Variants in SV2C observed in about 807,000 individuals in gnomAD.
SV2C encodes the protein solute carrier family 22 member B3.
A neutral mutation model predicts 79.7 loss-of-function variants in SV2C; 49 were observed. That is an observed-to-expected ratio of 0.61 (90% CI 0.49 to 0.78). The LOEUF (loss-of-function observed/expected upper bound fraction) is 0.78. Among genes scored for constraint, SV2C ranks in the 30% least tolerant of loss-of-function variants. SV2C has a pLI of 0.00. For synonymous variants in SV2C, 334 were observed against 333.2 expected, an observed-to-expected ratio of 1.00 and a Z score of -0.03; for missense variants, 833 against 912.9, an observed-to-expected ratio of 0.91 and a Z score of 1.13.
At chr5:75,862,985 A>C in the SV2C span, among the ~76,000 whole-genome samples, 2 of 152,234 alleles carry the variant, frequency 1.3e-5, no homozygotes, top group Non-Finnish European at 2.9e-5. Flanking sequence ...CTCAGGCATC[A>C]TCTGTTACCT....
the SV2C span, among the ~76,000 whole-genome samples, chr5:75,861,185 A>G: frequency 6.6e-6 from 1 of 152,238 alleles, no homozygotes; most frequent in Non-Finnish European, 1.5e-5. Context: ...ATGAACAGGG[A>G]CTTCTCAAAA....
At chr5:76,034,042 C>T in the SV2C span, among the ~76,000 whole-genome samples, 10 of 118,874 alleles carry the variant, frequency 8.4e-5, no homozygotes, top group African/African-American at 2.3e-4. Flanking sequence ...TGATTTGGCT[C>T]TCTGTTTGTC....
At chr5:76,014,484 A>G in the SV2C span, among the ~76,000 whole-genome samples, 1 of 152,342 alleles carries the variant, frequency 6.6e-6, no homozygotes, top group South Asian at 2.1e-4. Flanking sequence ...GTTTTCAGAA[A>G]TTTCAGATCT....
chr5:76,055,036 C>A, the SV2C span, among the ~76,000 whole-genome samples: 1 of 152,092 alleles, frequency 6.6e-6, no homozygotes, highest in Non-Finnish European at 1.5e-5. Flanking sequence ...GCTTTTATTG[C>A]AATTGCTTTT....
intron 1 of SV2C, among the ~76,000 whole-genome samples, chr5:76,097,030 T>C (rs905134675): frequency 4.6e-5 from 7 of 152,140 alleles, no homozygotes; most frequent in Non-Finnish European, 1.0e-4. Context: ...GTTCTGTTTC[T>C]CTGAAGCTAA....
chr5:75,896,067 TTTA>T, the SV2C span, among the ~76,000 whole-genome samples: 29 of 151,948 alleles, frequency 1.9e-4, no homozygotes, highest in Admixed American at 3.9e-4. Context: ...TTTATTTTAT[TTTA>T]TTATTATTAT....
At chr5:76,153,975 C>G (rs1742647370) in intron 2 of SV2C, among the ~76,000 whole-genome samples, 1 of 152,156 alleles carries the variant, frequency 6.6e-6, no homozygotes, top group Non-Finnish European at 1.5e-5. Flanking sequence ...GGGGTGTTAG[C>G]ATGCAGACAA....
chr5:76,014,321 A>G, the SV2C span, among the ~76,000 whole-genome samples: 2 of 152,096 alleles, frequency 1.3e-5, no homozygotes, highest in African/African-American at 2.4e-5. Context: ...GAAAGAAAGA[A>G]AGAGAGAGAA....
intron 2 of SV2C, among the ~76,000 whole-genome samples, chr5:76,151,253 T>C (rs1217206989): frequency 6.6e-6 from 1 of 152,174 alleles, no homozygotes; most frequent in Admixed American, 6.5e-5. Flanking sequence ...AAATCTTGGA[T>C]GGAGTATTGT....
chr5:76,300,914 G>A lies in SV2C; in HGVS notation c.1822G>A (p.Gly608Arg). The change falls in exon 11 of 13, where the codon GGG (glycine) becomes AGG (arginine). Residue 608 changes from glycine to arginine, a missense_variant. Gly to Arg is a moderately radical substitution (Grantham distance 125). Transcript: ENST00000502798. ...IVSALLMDRI[G>R]RLTMLGGSMV... ...GTCTGCTCTGCTGATGGACAGAATT[G>A]GGCGCTTAACAATGCTAGGTATGTA... 1.2e-6 allele frequency: 2 copies of A among 1,614,070 alleles called. No homozygotes were observed. Among genetic ancestry groups the A allele is most frequent in the Non-Finnish European group, 1.7e-6 (2 of 1,179,970 alleles).
chr5:76,149,054 T>A (rs1158145027), intron 2 of SV2C, among the ~76,000 whole-genome samples: 4 of 152,166 alleles, frequency 2.6e-5, no homozygotes, highest in African/African-American at 9.7e-5. Context: ...TGATCTGAAA[T>A]TCAAATGTCA....
At chr5:76,234,867 C>G (rs1195950001) in intron 4 of SV2C, among the ~76,000 whole-genome samples, 1 of 152,180 alleles carries the variant, frequency 6.6e-6, no homozygotes, top group Non-Finnish European at 1.5e-5. Flanking sequence ...TCACACTGCT[C>G]ATCCTACAGT....
chr5:76,180,586 C>G (rs1375471922), intron 2 of SV2C, among the ~76,000 whole-genome samples: 1 of 152,210 alleles, frequency 6.6e-6, no homozygotes, highest in Non-Finnish European at 1.5e-5. Flanking sequence ...TACCCTCTTG[C>G]TCCTCTGAAT....
downstream of SV2C, among the ~76,000 whole-genome samples, chr5:76,336,046 G>C (rs1190543093): frequency 5.0e-5 from 7 of 139,976 alleles, no homozygotes; most frequent in Non-Finnish European, 9.6e-5. Context: ...TAGCCGGGCG[G>C]GGGGCTGACC....
intron 6 of SV2C, among the ~76,000 whole-genome samples, chr5:76,288,253 C>CT (rs1747420734): frequency 6.6e-6 from 1 of 152,172 alleles, no homozygotes; most frequent in East Asian, 1.9e-4. Flanking sequence ...AAATAGTCCC[C>CT]TGCTATCTCA....
exon 13 of SV2C, chr5:76,353,372 C>G: frequency 4.8e-6 from 1 of 209,832 alleles, no homozygotes; most frequent in East Asian, 1.6e-4. Context: ...GTAGAAATAT[C>G]CCACAAAGTG....
At chr5:76,060,005 A>G in the SV2C span, among the ~76,000 whole-genome samples, 1 of 152,142 alleles carries the variant, frequency 6.6e-6, no homozygotes, top group Admixed American at 6.6e-5. Context: ...ATGAGCAGTA[A>G]CATTTTGAAA....
chr5:75,930,801 C>A, the SV2C span, among the ~76,000 whole-genome samples: 1 of 152,070 alleles, frequency 6.6e-6, no homozygotes, highest in Admixed American at 6.5e-5. Context: ...TTTTATGGGC[C>A]ATTTATGTTG....
chr5:76,338,599 C>T (rs1299710841), downstream of SV2C, among the ~76,000 whole-genome samples: 1 of 152,094 alleles, frequency 6.6e-6, no homozygotes, highest in Non-Finnish European at 1.5e-5. Context: ...ATTGCCCCCT[C>T]TTCAGCCTCC....
Sources: allele counts gnomAD v4.1 joint callset (sites outside exome capture counted in the v4.1 genomes callset), GRCh38; gene constraint gnomAD v4.1.1; transcripts MANE v1.5; gene names NCBI Gene and HGNC (gene_info 2026-07-23, HGNC 2026-07-21).